The following CDC40 variants were observed in gnomAD, a reference collection of about 807,000 sequenced individuals.
CDC40 encodes the protein pre-mRNA-processing factor 17.
Under a neutral mutation model 80.6 loss-of-function variants are expected in CDC40, and 27 were observed. The ratio of observed to expected loss-of-function variants is 0.33; its 90% CI spans 0.25 to 0.46. The LOEUF (loss-of-function observed/expected upper bound fraction) is 0.46. Among genes scored for constraint, CDC40 ranks in the 20% least tolerant of loss-of-function variants. The pLI is 1.00. For missense variants in CDC40, 486 were observed against 694.1 expected (o/e 0.70, Z 3.37); for synonymous variants, 221 against 232.6 (o/e 0.95, Z 0.45).
At chr6:110,200,654 T>G (rs1584068807) in intron 2 of CDC40, among the ~76,000 whole-genome samples, 1 of 152,318 alleles carries the variant, frequency 6.6e-6, no homozygotes, top group East Asian at 1.9e-4. Context: ...TTTAAGGAAC[T>G]TTATGATGTA....
rs983359173 is a variant in CDC40, at chr6:110,180,645, T to A, written c.189+12T>A. 1.3e-6 allele frequency: 2 copies of A among 1,595,836 alleles called. No homozygotes were observed. The highest frequency in any genetic ancestry group is 8.6e-7 in the Non-Finnish European group (1 of 1,164,026). The stretch of plus-strand genomic sequence containing the variant: ...AGGTGGCAGTTAAGGTAAGCACTTT[T>A]GCTACTAATGCAGTGTGGGAATTGT... On this transcript the variant is annotated intron_variant, in intron 1 of 14. Coordinates refer to ENST00000307731, the MANE Select transcript of CDC40 (RefSeq NM_015891.3).
intron 1 of CDC40, among the ~76,000 whole-genome samples, chr6:110,184,391 T>G (rs1382427831): frequency 5.9e-5 from 9 of 151,822 alleles, no homozygotes; most frequent in Admixed American, 2.0e-4. Flanking sequence ...GTTTTGTTTT[T>G]TTTTTTCTCC....
chr6:110,206,009 G>A (rs944418069), intron 3 of CDC40, among the ~76,000 whole-genome samples: 2 of 152,160 alleles, frequency 1.3e-5, no homozygotes, highest in African/African-American at 4.8e-5. Flanking sequence ...TCAGCTAATA[G>A]CCAGGTGGTT....
At chr6:110,224,448 G>C (rs559171081) in intron 12 of CDC40, 1 of 152,108 alleles carries the variant, frequency 6.6e-6, no homozygotes, top group Non-Finnish European at 1.5e-5. Flanking sequence ...AAGTACAATG[G>C]CATGATCTCG....
chr6:110,207,725 A>C, intron 4 of CDC40, 136 bp downstream of exon 4: 1 of 570,092 alleles, frequency 1.8e-6, no homozygotes, highest in Non-Finnish European at 3.2e-6. Context: ...GGAGCGATAC[A>C]GTTTAGAGCA....
At position 110,228,968 on chromosome 6, in the gene CDC40, A is replaced by T; in HGVS notation, c.1554A>T (p.Pro518=). 1 of 1,600,674 alleles carries T rather than the reference A, an allele frequency of 6.2e-7. No homozygotes were observed. The highest frequency in any genetic ancestry group is 8.5e-7 in the Non-Finnish European group (1 of 1,175,886). Residue 518 remains proline (P), a synonymous_variant, in exon 14 of 15, where the codon CCA becomes CCT. Transcript: ENST00000307731. Reference sequence around the variant, plus strand: ...ATGCTTGTCAGGTGGACTTTTCACCAGACATGAGGTAAGTTTAAATCTTCT... The same window carrying T: ...ATGCTTGTCAGGTGGACTTTTCACCTGACATGAGGTAAGTTTAAATCTTCT... ...AGYACQVDFS[P]DMSYVISGDG... is the part of the protein sequence containing the mutation.
intron 1 of CDC40, among the ~76,000 whole-genome samples, chr6:110,186,503 A>C (rs201174073): frequency 2.5e-4 from 35 of 139,690 alleles, no homozygotes; most frequent in Middle Eastern, 3.7e-3. Context: ...TAAATAAATA[A>C]ATAAATACAT....
chr6:110,227,712 C>T (rs957223084), intron 13 of CDC40, among the ~76,000 whole-genome samples: 1 of 152,176 alleles, frequency 6.6e-6, no homozygotes, highest in Admixed American at 6.5e-5. Flanking sequence ...AAAAACAACA[C>T]AGCATAACAA....
At chr6:110,227,215 A>C (rs960402309) in intron 13 of CDC40, among the ~76,000 whole-genome samples, 7 of 152,198 alleles carry the variant, frequency 4.6e-5, no homozygotes, top group Non-Finnish European at 1.0e-4. Context: ...TATACTGACA[A>C]TATACTGATG....
chr6:110,181,249 T>C (rs1197604300), intron 1 of CDC40, among the ~76,000 whole-genome samples: 1 of 152,188 alleles, frequency 6.6e-6, no homozygotes, highest in African/African-American at 2.4e-5. Context: ...GGCCTTGGAT[T>C]TGAGAAACAG....
intron 1 of CDC40, among the ~76,000 whole-genome samples, 168 bp from the exon 2 acceptor site, chr6:110,193,014 G>T (rs1019628791): frequency 1.3e-5 from 2 of 152,024 alleles, no homozygotes; most frequent in African/African-American, 4.8e-5. Context: ...ACTTTTTTAT[G>T]TATTTTAACC....
intron 1 of CDC40, among the ~76,000 whole-genome samples, chr6:110,187,252 ATTG>A (rs1352602362): frequency 6.6e-6 from 1 of 152,254 alleles, no homozygotes; most frequent in Non-Finnish European, 1.5e-5. Flanking sequence ...AGTGGACCCT[ATTG>A]GATTGCAAGA....
At chr6:110,204,752 G>A (rs1253645507) in intron 3 of CDC40, among the ~76,000 whole-genome samples, 3 of 146,256 alleles carry the variant, frequency 2.1e-5, no homozygotes, top group Non-Finnish European at 3.0e-5. Flanking sequence ...CTCTACCTCT[G>A]GGGTTCAGGC....
In CDC40 at chr6:110,207,563, C is replaced by A; in HGVS notation, c.464C>A (p.Ser155Tyr). 2 of 1,594,792 alleles carry A rather than the reference C, an allele frequency of 1.3e-6. No individual in the cohort carries two copies. The highest frequency in any genetic ancestry group is 1.1e-5 in the South Asian group (1 of 90,474). The change falls in exon 4 of 15, where the codon TCT (serine) becomes TAT (tyrosine). Residue 155 changes from serine to tyrosine, a missense_variant. Transcript: ENST00000307731. ...NHQVSAKYIGSVEEAEKNQGL... is the reference protein window; with the variant it reads ...NHQVSAKYIGYVEEAEKNQGL... ...CAAGTGTCTGCTAAATATATTGGTT[C>A]TGTAGAAGAAGCTGAAAAAAATCAA...
At chr6:110,206,717 G>C (rs1369869250) in intron 3 of CDC40, among the ~76,000 whole-genome samples, 1 of 152,152 alleles carries the variant, frequency 6.6e-6, no homozygotes, top group Non-Finnish European at 1.5e-5. Flanking sequence ...ATAATAGCTA[G>C]ATTTTATGTA....
chr6:110,212,122 T>C lies in CDC40; in HGVS notation c.728-11T>C. 1.2e-6 allele frequency: 2 copies of C among 1,608,308 alleles called. No individual in the cohort carries two copies. The highest frequency in any genetic ancestry group is 1.7e-6 in the Non-Finnish European group (2 of 1,176,254). ...ATTTGTTTATTGATTTTCTTTGCCT[T>C]TTTGTTTCAGTTAAAGAAATGTATG... On this transcript the variant is annotated splice_polypyrimidine_tract_variant and intron_variant, in intron 6 of 14. Coordinates refer to ENST00000307731, the MANE Select transcript of CDC40 (RefSeq NM_015891.3).
At chr6:110,225,729 A>G (rs1482639249) in intron 12 of CDC40, among the ~76,000 whole-genome samples, 1 of 152,144 alleles carries the variant, frequency 6.6e-6, no homozygotes, top group African/African-American at 2.4e-5. Context: ...TCACCCTACC[A>G]TGGTACATTT....
Position 110,191,467 on chromosome 6 carries a change from T to G in CDC40, c.190-1715T>G, listed in dbSNP as rs577569656. ...TACATTTGTGTGTGCAAAATCCGCCTTGTGTAGTTTACATTTTAGTGGAGA... is the reference window on the plus strand; with the variant it reads ...TACATTTGTGTGTGCAAAATCCGCCGTGTGTAGTTTACATTTTAGTGGAGA... On this transcript the variant is annotated intron_variant, in intron 1 of 14. Transcript: ENST00000307731. Among the ~76,000 whole-genome samples, 20 of 152,318 alleles carry G rather than the reference T, an allele frequency of 1.3e-4. No homozygotes were observed. The South Asian group carries it at 2.3e-3, about 17-fold the overall frequency.
intron 12 of CDC40, among the ~76,000 whole-genome samples, 160 bp downstream of exon 12, chr6:110,220,029 A>G (rs1777748540): frequency 6.6e-6 from 1 of 152,238 alleles, no homozygotes; most frequent in Admixed American, 6.5e-5. Flanking sequence ...AGTACTGACA[A>G]TATGCAGATT....
Sources: gnomAD v4.1 joint callset for allele counts (sites outside exome capture counted in the v4.1 genomes callset) on GRCh38, gnomAD v4.1.1 for gene constraint, MANE v1.5 for transcripts, NCBI Gene and HGNC (gene_info 2026-07-23, HGNC 2026-07-21) for gene names.